FER1L6: variants seen among roughly 807,000 people sequenced by gnomAD.
FER1L6 encodes fer-1 like family member 6.
A neutral mutation model predicts 219.2 loss-of-function variants in FER1L6; 177 were observed. That is an observed-to-expected ratio of 0.81 (90% CI 0.71 to 0.91). FER1L6 has a LOEUF of 0.91. Among genes scored for constraint, FER1L6 ranks in the 40% least tolerant of loss-of-function variants. The probability of loss-of-function intolerance (pLI) is 0.00; values close to 1 mark genes in which losing one functional copy is unlikely to be tolerated. For missense variants in FER1L6, 2,153 were observed against 2,259.9 expected, an observed-to-expected ratio of 0.95 and a Z score of 0.96; for synonymous variants, 768 against 824.3, an observed-to-expected ratio of 0.93 and a Z score of 1.17.
rs774830044 is a variant in FER1L6 at position 124,076,252 on chromosome 8, A to G, written c.4147A>G (p.Ile1383Val). 1.2e-6 allele frequency: 2 copies of G among 1,614,094 alleles called. No individual in the cohort carries two copies. The highest frequency in any genetic ancestry group is 1.1e-5 in the South Asian group (1 of 91,072). The change falls in exon 32 of 41, where the codon ATC (isoleucine) becomes GTC (valine). Residue 1383 changes from isoleucine to valine, a missense_variant. By Grantham distance (29) the Ile-to-Val change is conservative. Transcript: ENST00000522917. ...TGGCAAATCAGATCCCTACATTGTG[A>G]TCAAGCTTGGCAAGACAGAAATCAA... ...PDGKSDPYIV[I>V]KLGKTEIKDR...
intron 1 of FER1L6, among the ~76,000 whole-genome samples, chr8:123,887,837 T>C (rs1817232709): frequency 6.6e-6 from 1 of 152,212 alleles, no homozygotes; most frequent in Admixed American, 6.5e-5. Context: ...TATGTATTTT[T>C]TCCTGTTTCT....
chr8:123,909,262 T>G (rs1586455918), intron 1 of FER1L6, among the ~76,000 whole-genome samples: 1 of 151,654 alleles, frequency 6.6e-6, no homozygotes, highest in Admixed American at 6.6e-5. Flanking sequence ...GACATGAGTG[T>G]GTGGGGTGGG....
chr8:123,880,238 A>G (rs910953149), intron 1 of FER1L6, among the ~76,000 whole-genome samples: 1 of 152,052 alleles, frequency 6.6e-6, no homozygotes, highest in Non-Finnish European at 1.5e-5. Context: ...CAACTGATTG[A>G]CCAGCTGATC....
At chr8:124,060,939 G>T in intron 24 of FER1L6, 1 of 391,222 alleles carries the variant, frequency 2.6e-6, no homozygotes, top group African/African-American at 2.0e-5. Flanking sequence ...CTATAACAGT[G>T]GTTCCCAAAG....
intron 1 of FER1L6, among the ~76,000 whole-genome samples, chr8:123,926,348 A>G (rs977818898): frequency 6.6e-6 from 1 of 152,334 alleles, no homozygotes. Flanking sequence ...GACAAAGACT[A>G]TGTCCACGTG....
chr8:124,059,755 T>A (rs1820475064), intron 22 of FER1L6, among the ~76,000 whole-genome samples: 1 of 152,230 alleles, frequency 6.6e-6, no homozygotes, highest in Non-Finnish European at 1.5e-5. Context: ...TAGTAGTGCA[T>A]AATGGCTTTT....
At chr8:123,994,881 T>C (rs1817055901) in intron 12 of FER1L6, among the ~76,000 whole-genome samples, 1 of 152,252 alleles carries the variant, frequency 6.6e-6, no homozygotes, top group South Asian at 2.1e-4. Context: ...TGGGAATGTA[T>C]GCATAACTTG....
At chr8:123,953,599 G>C (rs1041875941) in intron 1 of FER1L6, among the ~76,000 whole-genome samples, 2 of 152,180 alleles carry the variant, frequency 1.3e-5, no homozygotes, top group African/African-American at 4.8e-5. Flanking sequence ...CTTCCCTACA[G>C]GAGAACTCAG....
chr8:123,890,051 G>A (rs1282373927), intron 1 of FER1L6, among the ~76,000 whole-genome samples: 1 of 152,096 alleles, frequency 6.6e-6, no homozygotes, highest in African/African-American at 2.4e-5. Flanking sequence ...TCTTAGTCTT[G>A]CTGAAGTTAA....
At chr8:124,064,188 T>C (rs553819294) in intron 25 of FER1L6, among the ~76,000 whole-genome samples, 159 bp from the exon 26 acceptor site, 57 of 152,322 alleles carry the variant, frequency 3.7e-4, no homozygotes, top group Non-Finnish European at 6.6e-4. Flanking sequence ...GTGAGATGGG[T>C]ATTTTTACTG....
rs1409662369 is a variant in FER1L6, at chr8:124,114,899, A to G, written c.5290-3945A>G. The stretch of plus-strand genomic sequence containing the variant: ...ATATATGCAGTGTGTGTGTGCGTAT[A>G]TATATATATATATATATATATATAT... On this transcript the variant is annotated intron_variant, in intron 39 of 40. Coordinates refer to ENST00000522917, the MANE Select transcript of FER1L6 (RefSeq NM_001039112.2). 3.5e-3 allele frequency among the ~76,000 whole-genome samples: 106 copies of G among 30,656 alleles called. 1 individual carries two copies. Among genetic ancestry groups the G allele is most frequent in the Admixed American group, 0.012 (35 of 2,976 alleles). The allele number at this position is 30,656 out of a possible 152,430, so 20.1% of individuals were successfully genotyped here. A position where few individuals can be genotyped will look rare whatever the true frequency, so the allele number is the denominator to read the frequency against.
At chr8:124,077,740 C>T (rs1821354049) in intron 32 of FER1L6, among the ~76,000 whole-genome samples, 1 of 152,188 alleles carries the variant, frequency 6.6e-6, no homozygotes, top group African/African-American at 2.4e-5. Context: ...AGTCAGTGTT[C>T]CCTCCTGCCT....
chr8:123,872,962 T>C (rs1291435368), intron 1 of FER1L6, among the ~76,000 whole-genome samples: 2 of 152,242 alleles, frequency 1.3e-5, no homozygotes, highest in African/African-American at 2.4e-5. Context: ...GTTCCCTCTG[T>C]GTGGAATTCA....
intron 14 of FER1L6, among the ~76,000 whole-genome samples, chr8:124,012,580 G>T (rs1346189596): frequency 6.6e-6 from 1 of 152,196 alleles, no homozygotes; most frequent in South Asian, 2.1e-4. Context: ...AGTGTTGTAG[G>T]TGGGTTCTGT....
At position 124,075,400 on chromosome 8, in the gene FER1L6, T is replaced by C. The variant is rs189907822; in HGVS notation, c.4093-798T>C. On this transcript the variant is annotated intron_variant, in intron 31 of 40. Coordinates refer to ENST00000522917, the MANE Select transcript of FER1L6 (RefSeq NM_001039112.2). ...ATCATCAATATCACTGTGTTCTACC[T>C]CCCCATCTTGTCCCACTGGAAGGTC... Among the ~76,000 whole-genome samples, 671 of 152,272 alleles carry C rather than the reference T, an allele frequency of 4.4e-3. 4 individuals are homozygous for C. Among genetic ancestry groups the C allele is most frequent in the African/African-American group, 0.015 (643 of 41,542 alleles).
At chr8:124,106,106 T>C (rs2131002533) in intron 39 of FER1L6, among the ~76,000 whole-genome samples, 1 of 152,020 alleles carries the variant, frequency 6.6e-6, no homozygotes, top group South Asian at 2.1e-4. Context: ...TGTGAACAGA[T>C]TAAAATCTAT....
At chr8:123,880,534 A>G (rs1043805130) in intron 1 of FER1L6, among the ~76,000 whole-genome samples, 1 of 152,078 alleles carries the variant, frequency 6.6e-6, no homozygotes, top group African/African-American at 2.4e-5. Flanking sequence ...ACCACCCAAT[A>G]CCCACTGGGC....
rs199707703 is a variant in FER1L6 at position 123,980,744 on chromosome 8, C to T, written c.1343C>T (p.Ser448Phe). The change falls in exon 11 of 41, where the codon TCC becomes TTC. Residue 448 changes from serine to phenylalanine, a missense_variant. By Grantham distance (155) the Ser-to-Phe change is radical (BLOSUM62 -2). Transcript: ENST00000522917. ...GCTGACAAAACTGAAGATGGAAAAT[C>T]CCAACAGGCTTCAAACAAAACTAAC... Reference protein sequence around the residue: ...DKADKTEDGKSQQASNKTNST... With the variant: ...DKADKTEDGKFQQASNKTNST... 1 of 1,614,028 alleles carries T rather than the reference C, an allele frequency of 6.2e-7. No homozygotes were observed. The highest frequency in any genetic ancestry group is 1.7e-5 in the Admixed American group (1 of 59,982).
chr8:123,879,038 A>C (rs1817059859), intron 1 of FER1L6, among the ~76,000 whole-genome samples: 1 of 152,244 alleles, frequency 6.6e-6, no homozygotes, highest in Non-Finnish European at 1.5e-5. Flanking sequence ...AACCGCAAGG[A>C]TCAAGGAAGG....
Sources: gnomAD v4.1 joint callset for allele counts (sites outside exome capture counted in the v4.1 genomes callset) on GRCh38, gnomAD v4.1.1 for gene constraint, MANE v1.5 for transcripts, NCBI Gene and HGNC (gene_info 2026-07-23, HGNC 2026-07-21) for gene names.